NFILZ: variants seen among roughly 807,000 people sequenced by gnomAD.
NFILZ encodes NFIL3 like protein.
intron 4 of NFILZ, among the ~76,000 whole-genome samples, chr19:8,675,112 G>C (rs1490031058): frequency 6.6e-6 from 1 of 152,152 alleles, no homozygotes; most frequent in Non-Finnish European, 1.5e-5. Context: ...CACAATGTTA[G>C]GTACCAGGGA....
chr19:8,631,575 C>G (rs912934038), intron 1 of NFILZ, among the ~76,000 whole-genome samples: 1 of 152,162 alleles, frequency 6.6e-6, no homozygotes, highest in Admixed American at 6.5e-5. Flanking sequence ...TCTTGGCCCC[C>G]TCTTCCCCCG....
intron 3 of NFILZ, among the ~76,000 whole-genome samples, chr19:8,652,691 T>C (rs1294941947): frequency 6.6e-6 from 1 of 152,222 alleles, no homozygotes; most frequent in Non-Finnish European, 1.5e-5. Flanking sequence ...CCCTTAGTTA[T>C]TGGACAATTA....
chr19:8,645,028 C>T (rs1050590505), intron 3 of NFILZ, among the ~76,000 whole-genome samples: 3 of 150,402 alleles, frequency 2.0e-5, no homozygotes, highest in South Asian at 2.1e-4. Context: ...CCATCCCCCA[C>T]CTCAGCCTCC....
At chr19:8,655,344 A>G (rs111777983) in intron 3 of NFILZ, among the ~76,000 whole-genome samples, 147,334 of 152,252 alleles carry the variant, frequency 0.97, 71,457 homozygotes, top group East Asian at 1. Flanking sequence ...GACTCCACTT[A>G]CTGGGCTCCC....
intron 3 of NFILZ, among the ~76,000 whole-genome samples, chr19:8,662,588 T>C (rs1555749248): frequency 6.7e-6 from 1 of 150,136 alleles, no homozygotes; most frequent in Non-Finnish European, 1.5e-5. Flanking sequence ...AGGAGAAGAG[T>C]CCAAGAGAGG....
chr19:8,678,569 C>T lies in NFILZ; in HGVS notation c.*934C>T, dbSNP rs2043130135. On this transcript the variant is annotated 3_prime_UTR_variant, in exon 6 of 6. Transcript: ENST00000691075. ...TCTCCATCCATCCATCCATCCTCAT[C>T]CATTCCCATTCATCCATCCATCCTG... 1.3e-5 allele frequency among the ~76,000 whole-genome samples: 2 copies of T among 149,110 alleles called. No homozygotes were observed. The highest frequency in any genetic ancestry group is 4.9e-5 in the African/African-American group (2 of 40,600).
At chr19:8,653,038 T>TTCTTTCTTTCTCTCTCCCTC (rs1555747925) in intron 3 of NFILZ, among the ~76,000 whole-genome samples, 54 of 90,560 alleles carry the variant, frequency 6.0e-4, no homozygotes, top group Middle Eastern at 5.6e-3. Context: ...CTTTCTTTCT[T>TTCTTTCTTTCTCTCTCCCTC]TCTCTCTCTC....
intron 3 of NFILZ, among the ~76,000 whole-genome samples, chr19:8,656,669 C>T (rs2043005267): frequency 6.6e-6 from 1 of 152,236 alleles, no homozygotes; most frequent in Non-Finnish European, 1.5e-5. Flanking sequence ...TGTTTCCCTG[C>T]TGCGCCCAGG....
At chr19:8,631,961 C>A (rs1555745605) in intron 1 of NFILZ, among the ~76,000 whole-genome samples, 1 of 151,760 alleles carries the variant, frequency 6.6e-6, no homozygotes, top group East Asian at 1.9e-4. Flanking sequence ...CCTCTGCCTC[C>A]CGGGTTCAAG....
At chr19:8,668,088 T>C (rs1184737707) in intron 3 of NFILZ, among the ~76,000 whole-genome samples, 1 of 151,924 alleles carries the variant, frequency 6.6e-6, no homozygotes, top group Non-Finnish European at 1.5e-5. Context: ...GTAGCCGGGA[T>C]TACAGGCATG....
intron 3 of NFILZ, among the ~76,000 whole-genome samples, chr19:8,662,574 C>T (rs1046738063): frequency 4.6e-5 from 7 of 150,800 alleles, no homozygotes; most frequent in African/African-American, 7.3e-5. Flanking sequence ...TGTCCAGTTA[C>T]GTGAGGAGAA....
chr19:8,668,985 C>T (rs1219652499), intron 3 of NFILZ, among the ~76,000 whole-genome samples: 2 of 152,142 alleles, frequency 1.3e-5, no homozygotes, highest in Non-Finnish European at 2.9e-5. Context: ...CACTCTGTCA[C>T]CCAGACTGGA....
At chr19:8,647,791 G>GCACACACACA (rs1349279601) in intron 3 of NFILZ, among the ~76,000 whole-genome samples, 12 of 70,026 alleles carry the variant, frequency 1.7e-4, no homozygotes, top group East Asian at 3.6e-4. Context: ...GCGCGCGCGC[G>GCACACACACA]CGCGCACACA....
chr19:8,649,905 A>G (rs2042957565), intron 3 of NFILZ, among the ~76,000 whole-genome samples: 1 of 151,928 alleles, frequency 6.6e-6, no homozygotes, highest in African/African-American at 2.4e-5. Flanking sequence ...ACCTGAGGTC[A>G]GGAGTTCGAC....
At chr19:8,631,324 C>T (rs1242982223) in intron 1 of NFILZ, among the ~76,000 whole-genome samples, 1 of 152,090 alleles carries the variant, frequency 6.6e-6, no homozygotes, top group Non-Finnish European at 1.5e-5. Context: ...AGTGGGGTTG[C>T]AAATTCTAGG....
At chr19:8,665,357 C>T (rs908830587) in intron 3 of NFILZ, among the ~76,000 whole-genome samples, 5 of 151,954 alleles carry the variant, frequency 3.3e-5, no homozygotes, top group South Asian at 2.1e-4. Flanking sequence ...AAATGGTCTA[C>T]GTGGCTGGAG....
chr19:8,670,433 T>C (rs1555750188), intron 3 of NFILZ, among the ~76,000 whole-genome samples: 1 of 152,152 alleles, frequency 6.6e-6, no homozygotes, highest in Non-Finnish European at 1.5e-5. Flanking sequence ...ATTAAACGTA[T>C]GAATATTTTG....
intron 3 of NFILZ, among the ~76,000 whole-genome samples, chr19:8,656,507 CT>C: frequency 7.2e-6 from 1 of 138,456 alleles, no homozygotes; most frequent in African/African-American, 2.6e-5. Context: ...CGCAGCCCAC[CT>C]TCTCCTGCAG....
At chr19:8,644,860 T>C (rs2042932441) in intron 3 of NFILZ, among the ~76,000 whole-genome samples, 1 of 151,234 alleles carries the variant, frequency 6.6e-6, no homozygotes, top group East Asian at 2.0e-4. Context: ...TCCGCTTCCC[T>C]GGTTCAGAGG....
Sources: gnomAD v4.1 joint callset for allele counts (sites outside exome capture counted in the v4.1 genomes callset) on GRCh38, gnomAD v4.1.1 for gene constraint, MANE v1.5 for transcripts, NCBI Gene and HGNC (gene_info 2026-07-23, HGNC 2026-07-21) for gene names.